Variants in RCAN1 observed in about 807,000 individuals in gnomAD.
RCAN1 encodes the protein calcipressin-1.
RCAN1 carries 11 observed loss-of-function variants against 22.9 expected under a neutral mutation model. The observed-to-expected ratio is 0.48, with a 90% CI of 0.30 to 0.79. RCAN1 has a LOEUF of 0.79. Ranked by LOEUF, RCAN1 falls within the 30% of genes least tolerant of loss-of-function variation. The pLI, the probability that RCAN1 is intolerant of heterozygous loss-of-function variation, is 0.06. For missense variants in RCAN1, 291 were observed against 337.8 expected (o/e 0.86, Z 1.09); for synonymous variants, 136 against 142.3 (o/e 0.96, Z 0.32).
At chr21:34,580,321 G>A (rs1987560765) in intron 1 of RCAN1, among the ~76,000 whole-genome samples, 1 of 152,194 alleles carries the variant, frequency 6.6e-6, no homozygotes, top group African/African-American at 2.4e-5. Flanking sequence ...AGTAGGCAGG[G>A]TCAGCGCAAA....
intron 1 of RCAN1, among the ~76,000 whole-genome samples, chr21:34,541,217 T>C (rs1209019017): frequency 1.3e-5 from 2 of 152,132 alleles, no homozygotes; most frequent in Non-Finnish European, 1.5e-5. Context: ...ATCAGAAAAG[T>C]CTAGCTAGGT....
chr21:34,587,399 A>C (rs182603679), intron 1 of RCAN1, among the ~76,000 whole-genome samples: 1 of 152,316 alleles, frequency 6.6e-6, no homozygotes, highest in Admixed American at 6.5e-5. Context: ...TCTTCAATAC[A>C]GGAAACAAAA....
At chr21:34,521,210 G>T in intron 3 of RCAN1, 1 of 1,405,150 alleles carries the variant, frequency 7.1e-7, no homozygotes, top group South Asian at 1.6e-5. Flanking sequence ...TCCCACGCAG[G>T]CTGTGCTCAG....
At chr21:34,526,976 A>T (rs1985105161) in intron 1 of RCAN1, 5 of 1,340,616 alleles carry the variant, frequency 3.7e-6, no homozygotes, top group Non-Finnish European at 3.8e-6. Context: ...GACAAAGTGT[A>T]AGTTTCTACT....
intron 1 of RCAN1, among the ~76,000 whole-genome samples, chr21:34,533,727 C>T (rs755445293): frequency 3.9e-5 from 6 of 152,186 alleles, no homozygotes; most frequent in African/African-American, 7.2e-5. Flanking sequence ...AACAGAGCAG[C>T]GCGGAGGGGC....
chr21:34,549,530 T>C (rs1439300668), intron 1 of RCAN1, among the ~76,000 whole-genome samples: 1 of 152,092 alleles, frequency 6.6e-6, no homozygotes, highest in Non-Finnish European at 1.5e-5. Flanking sequence ...CTTAGAAAAG[T>C]AGTACTCTCT....
chr21:34,614,729 G>T lies in RCAN1; in HGVS notation c.252+31C>A. 1.4e-6 allele frequency: 2 copies of T among 1,397,736 alleles called. No individual in the cohort carries two copies. The highest frequency in any genetic ancestry group is 1.9e-6 in the Non-Finnish European group (2 of 1,069,282). The allele number at this position is 1,397,736 out of a possible 1,614,324, so 86.6% of individuals were successfully genotyped here. A position where few individuals can be genotyped will look rare whatever the true frequency, so the allele number is the denominator to read the frequency against. ...CTCGGGCAACAAGTGTCCGCCCTCC[G>T]CCCCGACGGCCCGCCCGGCGCGGTC... On this transcript the variant is annotated intron_variant, in intron 1 of 3. Transcript: ENST00000313806. This position sits in a 1 kb window ranked among gnomAD's most constrained non-coding sequence, Gnocchi z 6.0.
At position 34,516,597 on chromosome 21, in the gene RCAN1, TGCA is replaced by T. The variant is rs771746247; in HGVS notation, c.*1484_*1486del. ...TTAACAAGAAACACTTGGACAGCGA[TGCA>T]ATGGTCTCTCCCAAACCGGCTCCCT... is the stretch of plus-strand genomic sequence containing the variant. On this transcript the variant is annotated 3_prime_UTR_variant, in exon 4 of 4. Coordinates refer to ENST00000313806, the MANE Select transcript of RCAN1 (RefSeq NM_004414.7). The T allele has an allele frequency of 6.6e-6, 1 of 152,226 alleles. No individual in the cohort carries two copies. Among genetic ancestry groups the T allele is most frequent in the Non-Finnish European group, 1.5e-5 (1 of 68,036 alleles). 9.4% of individuals were successfully genotyped at this position (152,226 alleles called of 1,614,324 possible).
At chr21:34,579,225 T>C (rs189313081) in intron 1 of RCAN1, among the ~76,000 whole-genome samples, 1 of 151,982 alleles carries the variant, frequency 6.6e-6, no homozygotes, top group Non-Finnish European at 1.5e-5. Context: ...CAAAACCTAG[T>C]TTCTACCAAA....
chr21:34,519,854 G>A (rs1984369677), intron 3 of RCAN1, among the ~76,000 whole-genome samples: 1 of 152,144 alleles, frequency 6.6e-6, no homozygotes, highest in African/African-American at 2.4e-5. Context: ...GATAAGGAAG[G>A]TGGTGATCTT....
chr21:34,537,387 G>A (rs113737809), intron 1 of RCAN1, among the ~76,000 whole-genome samples: 2,153 of 152,274 alleles, frequency 0.014, 50 homozygotes, highest in African/African-American at 0.048. Context: ...TAACATTGAC[G>A]GAAAATTAGT....
At chr21:34,602,788 T>C (rs1988396140) in intron 1 of RCAN1, among the ~76,000 whole-genome samples, 1 of 152,258 alleles carries the variant, frequency 6.6e-6, no homozygotes, top group African/African-American at 2.4e-5. Context: ...CCATTATCTC[T>C]GAAATAAAAT....
chr21:34,591,883 A>G (rs780312071), intron 1 of RCAN1, among the ~76,000 whole-genome samples: 15 of 152,220 alleles, frequency 9.9e-5, no homozygotes, highest in Non-Finnish European at 1.8e-4. Context: ...AGCTCTAAAA[A>G]GTGCCATCAA....
chr21:34,558,602 C>T (rs1004746151), intron 1 of RCAN1, among the ~76,000 whole-genome samples: 25 of 151,282 alleles, frequency 1.7e-4, no homozygotes, highest in Non-Finnish European at 7.4e-5. Context: ...CCCTTCAGCT[C>T]TACAGAAAAT....
At chr21:34,567,510 A>G (rs891261733) in intron 1 of RCAN1, among the ~76,000 whole-genome samples, 1 of 151,152 alleles carries the variant, frequency 6.6e-6, no homozygotes, top group Admixed American at 6.6e-5. Flanking sequence ...AGCCGAGATC[A>G]AGCCACTGCA....
chr21:34,555,187 AAAGAGACAG>A (rs1167975493), intron 1 of RCAN1, among the ~76,000 whole-genome samples: 2 of 152,252 alleles, frequency 1.3e-5, no homozygotes, highest in African/African-American at 2.4e-5. Context: ...AACCAGATGA[AAAGAGACAG>A]AAGAGACAGA....
At chr21:34,551,798 A>AT (rs1287659883) in intron 1 of RCAN1, among the ~76,000 whole-genome samples, 5 of 152,176 alleles carry the variant, frequency 3.3e-5, no homozygotes, top group African/African-American at 4.8e-5. Flanking sequence ...GTGTAAAAAA[A>AT]AAATCTTAGA....
At chr21:34,608,545 A>C (rs751492447) in intron 1 of RCAN1, among the ~76,000 whole-genome samples, 2 of 152,210 alleles carry the variant, frequency 1.3e-5, no homozygotes, top group African/African-American at 4.8e-5. Flanking sequence ...CTGGCAGTAG[A>C]TACCACTCCT....
intron 1 of RCAN1, among the ~76,000 whole-genome samples, chr21:34,567,014 A>G (rs1007029354): frequency 1.3e-5 from 2 of 152,212 alleles, no homozygotes; most frequent in African/African-American, 4.8e-5. Flanking sequence ...TTTGAACATG[A>G]CATTTGGAGG....
Sources: gnomAD v4.1 joint callset for allele counts (sites outside exome capture counted in the v4.1 genomes callset) on GRCh38, gnomAD v4.1.1 for gene constraint, Gnocchi (gnomAD v3.1) non-coding constraint, MANE v1.5 for transcripts, NCBI Gene and HGNC (gene_info 2026-07-23, HGNC 2026-07-21) for gene names.